The following TNIP3 variants were observed in gnomAD, a reference collection of about 807,000 sequenced individuals.
TNIP3 encodes TNFAIP3-interacting protein 3.
In TNIP3, 34 loss-of-function variants were observed where a neutral mutation model predicts 54.1. The ratio of observed to expected loss-of-function variants is 0.63; its 90% CI spans 0.48 to 0.84. The LOEUF is 0.84. Ranked by LOEUF, TNIP3 falls within the 40% of genes least tolerant of loss-of-function variation. The pLI is 0.00. For synonymous variants in TNIP3, 134 were observed against 136.8 expected (o/e 0.98, Z 0.14); for missense variants, 366 against 387.6 (o/e 0.94, Z 0.47).
intron 2 of TNIP3, among the ~76,000 whole-genome samples, chr4:121,204,175 G>A (rs960324962): frequency 3.3e-5 from 5 of 151,980 alleles, no homozygotes; most frequent in South Asian, 2.1e-4. Flanking sequence ...CCAAAATCTC[G>A]AAGCTAAAGG....
chr4:121,168,280 C>T (rs1730875705), upstream of TNIP3, among the ~76,000 whole-genome samples: 1 of 152,016 alleles, frequency 6.6e-6, no homozygotes. Flanking sequence ...AATCTCGCCT[C>T]ACTGCAACCT....
chr4:121,213,717 A>G (rs1726611983), intron 2 of TNIP3, among the ~76,000 whole-genome samples: 1 of 142,268 alleles, frequency 7.0e-6, no homozygotes, highest in African/African-American at 2.7e-5. Context: ...ACAGAGTAAG[A>G]CTCCGTCTCA....
chr4:121,159,372 T>C (rs1335656860), intron 2 of TNIP3, among the ~76,000 whole-genome samples: 1 of 152,268 alleles, frequency 6.6e-6, no homozygotes, highest in Non-Finnish European at 1.5e-5. Flanking sequence ...ATTTTCATTT[T>C]CTTTGTTTAA....
At chr4:121,135,191 GTTTATCAAGGTAGGAGGATAGATTATACT>G (rs1728709343) in intron 10 of TNIP3, among the ~76,000 whole-genome samples, 1 of 152,182 alleles carries the variant, frequency 6.6e-6, no homozygotes, top group Non-Finnish European at 1.5e-5. Context: ...TTCCATGTAT[GTTTATCAAGGTAGGAGGATAGATTATACT>G]TTAACAGTTT....
rs1167881003 is a variant in TNIP3, at chr4:121,193,248, T to G, written c.69-10452A>C. Reference sequence around the variant, plus strand: ...TCATTTTTATAAAAAATTGCAATAATTCATATTCATTCTCTTCTTCTGTGA... The same window carrying G: ...TCATTTTTATAAAAAATTGCAATAAGTCATATTCATTCTCTTCTTCTGTGA... On this transcript the variant is annotated intron_variant, in intron 2 of 12. Transcript: ENST00000507879. 3.9e-5 allele frequency among the ~76,000 whole-genome samples: 6 copies of G among 152,276 alleles called. No homozygotes were observed. In the East Asian group the frequency reaches 1.2e-3, roughly 29 times the overall value.
At chr4:121,189,061 A>G (rs1470508955) in intron 2 of TNIP3, among the ~76,000 whole-genome samples, 1 of 152,196 alleles carries the variant, frequency 6.6e-6, no homozygotes, top group Non-Finnish European at 1.5e-5. Flanking sequence ...AATAGGAAAA[A>G]CACATAACCA....
intron 2 of TNIP3, among the ~76,000 whole-genome samples, chr4:121,186,119 G>A (rs952701370): frequency 5.3e-5 from 8 of 152,176 alleles, no homozygotes; most frequent in Admixed American, 3.9e-4. Flanking sequence ...TGGGCTTGGC[G>A]CACAGTGAGA....
In TNIP3 at chr4:121,141,881, A is replaced by T. The variant is rs1321557351; in HGVS notation, c.820T>A (p.Phe274Ile). ...GGTACCCATGGATCTTGCAGGTGGA[A>T]AACCAAGCCGCAGTTACAGGGTGGG... Reference protein sequence around the residue: ...YCPPCNCGLVFHLQDPWVPTG... With the variant: ...YCPPCNCGLVIHLQDPWVPTG... Residue 274 changes from phenylalanine to isoleucine, a missense_variant, in exon 9 of 11, where the codon TTC becomes ATC. Phe to Ile is a conservative substitution (Grantham distance 21). Coordinates refer to ENST00000057513, the MANE Select transcript of TNIP3 (RefSeq NM_024873.6). The T allele has an allele frequency of 6.3e-7, 1 of 1,599,308 alleles. No homozygotes were observed. The highest frequency in any genetic ancestry group is 1.3e-5 in the African/African-American group (1 of 74,092).
chr4:121,195,556 A>G (rs540174219), intron 2 of TNIP3, among the ~76,000 whole-genome samples: 1 of 152,338 alleles, frequency 6.6e-6, no homozygotes, highest in Non-Finnish European at 1.5e-5. Context: ...TCGAATTCAG[A>G]TGGGAATTAA....
upstream of TNIP3, among the ~76,000 whole-genome samples, chr4:121,168,640 C>T (rs548895965): frequency 6.2e-4 from 94 of 151,952 alleles, no homozygotes; most frequent in African/African-American, 2.1e-3. Flanking sequence ...GCTGCCTCAG[C>T]CTCTTGAGTA....
intron 8 of TNIP3, 95 bp downstream of exon 8, chr4:121,142,631 T>A: frequency 8.8e-7 from 1 of 1,136,316 alleles, no homozygotes; most frequent in Non-Finnish European, 1.3e-6. Flanking sequence ...TTGTTGTAGG[T>A]CACCTGTAGC....
chr4:121,207,622 G>A (rs1052797683), intron 2 of TNIP3, among the ~76,000 whole-genome samples: 5 of 152,104 alleles, frequency 3.3e-5, no homozygotes, highest in African/African-American at 1.2e-4. Context: ...ACACAGAGGA[G>A]AGCAATGTAG....
chr4:121,154,800 A>G (rs902606719), intron 4 of TNIP3, 121 bp from the exon 5 acceptor site: 6 of 868,836 alleles, frequency 6.9e-6, no homozygotes, highest in Non-Finnish European at 1.0e-5. Context: ...CTGAAATACA[A>G]TAAAAACAGG....
intron 1 of TNIP3, among the ~76,000 whole-genome samples, chr4:121,222,803 C>CGTTTTT (rs1237826523): frequency 7.8e-5 from 6 of 77,046 alleles, no homozygotes; most frequent in African/African-American, 2.5e-4. Flanking sequence ...GTTTTTTGTG[C>CGTTTTT]GTTTTTTTTT....
intron 2 of TNIP3, among the ~76,000 whole-genome samples, chr4:121,210,404 G>T (rs1315019261): frequency 6.6e-6 from 1 of 152,138 alleles, no homozygotes; most frequent in Non-Finnish European, 1.5e-5. Context: ...ACTTCTAGAT[G>T]TTTATTAGAT....
intron 3 of TNIP3, among the ~76,000 whole-genome samples, chr4:121,173,191 CA>C (rs1724076182): frequency 6.6e-6 from 1 of 152,176 alleles, no homozygotes; most frequent in African/African-American, 2.4e-5. Flanking sequence ...CATCATTTAC[CA>C]ATGATGGAAA....
intron 1 of TNIP3, chr4:121,227,268 T>C (rs1008453411): frequency 1.2e-6 from 1 of 849,304 alleles, no homozygotes; most frequent in Non-Finnish European, 1.9e-6. Context: ...TCCTGATCAG[T>C]TATATATGTC....
intron 10 of TNIP3, among the ~76,000 whole-genome samples, chr4:121,138,340 T>C (rs545294970): frequency 1.3e-5 from 2 of 152,370 alleles, no homozygotes. Flanking sequence ...ATAATACAGC[T>C]CTGCTTACAG....
At chr4:121,215,785 C>T (rs1726756377) in intron 2 of TNIP3, among the ~76,000 whole-genome samples, 1 of 151,720 alleles carries the variant, frequency 6.6e-6, no homozygotes, top group Non-Finnish European at 1.5e-5. Context: ...TGGCTTTTCA[C>T]TTCTAAACTT....
Sources: allele counts gnomAD v4.1 joint callset (sites outside exome capture counted in the v4.1 genomes callset), GRCh38; gene constraint gnomAD v4.1.1; transcripts MANE v1.5; gene names NCBI Gene and HGNC (gene_info 2026-07-23, HGNC 2026-07-21).